FANCD2: variants seen among roughly 807,000 people sequenced by gnomAD.
FANCD2 encodes the protein Fanconi anemia group D2 protein.
FANCD2 carries 131 observed loss-of-function variants against 192.3 expected under a neutral mutation model. That is an observed-to-expected ratio of 0.68 (90% CI 0.59 to 0.79). The LOEUF (loss-of-function observed/expected upper bound fraction) is 0.79, where lower values mean the gene tolerates loss of function less well. Among genes scored for constraint, FANCD2 ranks in the 30% least tolerant of loss-of-function variants. FANCD2 has a pLI of 0.00. For missense variants in FANCD2, 1,508 were observed against 1,701.6 expected, an observed-to-expected ratio of 0.89 and a Z score of 2.00; for synonymous variants, 524 against 612.5, an observed-to-expected ratio of 0.86 and a Z score of 2.13.
chr3:10,058,545 G>A (rs149885493), intron 18 of FANCD2, among the ~76,000 whole-genome samples: 9 of 152,154 alleles, frequency 5.9e-5, no homozygotes, highest in African/African-American at 1.2e-4. Context: ...AGGATTTAAC[G>A]TCATTCTTTT....
chr3:10,031,052 TC>T (rs1169093899), intron 2 of FANCD2, among the ~76,000 whole-genome samples: 1 of 152,208 alleles, frequency 6.6e-6, no homozygotes, highest in Admixed American at 6.5e-5. Flanking sequence ...AATACTGTTC[TC>T]CAAAAGAGAA....
rs550573437 is a variant in FANCD2, at chr3:10,069,667, T to C, written c.2494+2350T>C. On this transcript the variant is annotated intron_variant, in intron 26 of 43. Coordinates refer to ENST00000675286, the MANE Select transcript of FANCD2 (RefSeq NM_001018115.3). The stretch of plus-strand genomic sequence containing the variant: ...TTGGTGGAGACGGGGTTTCGCTGTG[T>C]TGGCCGGGCCGGTCTCCAGCTCCTA... 2.3e-4 allele frequency among the ~76,000 whole-genome samples: 35 copies of C among 152,250 alleles called. 2 individuals carry two copies. In the East Asian group the frequency reaches 6.8e-3, roughly 29 times the overall value.
At chr3:10,095,113 CTT>C in intron 40 of FANCD2, 85 bp from the exon 41 acceptor site, 3 of 1,156,836 alleles carry the variant, frequency 2.6e-6, no homozygotes, top group South Asian at 1.3e-5. Flanking sequence ...AGTTTATCCT[CTT>C]TGGAGCTTTT....
At chr3:10,068,094 T>C (rs1057249739) in intron 26 of FANCD2, among the ~76,000 whole-genome samples, 1 of 152,140 alleles carries the variant, frequency 6.6e-6, no homozygotes. Flanking sequence ...TACCCACTTA[T>C]ATAATACCAC....
At chr3:10,067,040 T>C (rs1256111936) in intron 25 of FANCD2, among the ~76,000 whole-genome samples, 169 bp from the exon 26 acceptor site, 1 of 152,194 alleles carries the variant, frequency 6.6e-6, no homozygotes, top group Non-Finnish European at 1.5e-5. Flanking sequence ...TCCTATATTT[T>C]GGGCCAGAGA....
chr3:10,084,228 G>A (rs891348619), intron 32 of FANCD2, among the ~76,000 whole-genome samples: 20 of 151,246 alleles, frequency 1.3e-4, no homozygotes, highest in African/African-American at 4.1e-4. Context: ...TCCTGACCCC[G>A]TGATCTACCC....
At chr3:10,080,217 ATTC>A (rs1407022818) in intron 30 of FANCD2, among the ~76,000 whole-genome samples, 3 of 151,610 alleles carry the variant, frequency 2.0e-5, no homozygotes, top group African/African-American at 2.4e-5. Context: ...CCAGCAATTC[ATTC>A]TTCTTTGTAT....
intron 32 of FANCD2, among the ~76,000 whole-genome samples, chr3:10,082,953 A>G (rs1267932812): frequency 6.6e-6 from 1 of 152,204 alleles, no homozygotes; most frequent in African/African-American, 2.4e-5. Context: ...GGGGCCTGAC[A>G]TCGTGGCTTA....
chr3:10,086,188 C>T (rs1694189347), intron 33 of FANCD2, among the ~76,000 whole-genome samples: 1 of 152,170 alleles, frequency 6.6e-6, no homozygotes, highest in Non-Finnish European at 1.5e-5. Flanking sequence ...AAACATTGAC[C>T]ATCTGTAATC....
intron 18 of FANCD2, among the ~76,000 whole-genome samples, chr3:10,059,036 C>T (rs1283873822): frequency 6.6e-6 from 1 of 152,048 alleles, no homozygotes; most frequent in Non-Finnish European, 1.5e-5. Context: ...TATTTTGAGA[C>T]AATGTCTGGC....
In FANCD2 at chr3:10,039,339, C is replaced by T. The variant is rs2086806957; in HGVS notation, c.552C>T (p.Asp184=). 2 of 1,613,418 alleles carry T rather than the reference C, an allele frequency of 1.2e-6. No homozygotes were observed. The highest frequency in any genetic ancestry group is 1.3e-5 in the African/African-American group (1 of 74,916). Residue 184 remains aspartate, a synonymous_variant, in exon 8 of 44, where the codon GAC becomes GAT. Coordinates refer to ENST00000675286, the MANE Select transcript of FANCD2 (RefSeq NM_001018115.3). ...RLIVSQLKWL[D]RVVDGKDLTT... ...TTGTCAGTCAACTAAAATGGCTTGA[C>T]AGAGTTGTGGATGGCAAGGTAGGCT...
chr3:10,098,171 C>T (rs980843347), intron 42 of FANCD2, among the ~76,000 whole-genome samples: 4 of 152,112 alleles, frequency 2.6e-5, no homozygotes, highest in African/African-American at 9.7e-5. Flanking sequence ...TTCCTTTCTT[C>T]ACATCAACCT....
At chr3:10,042,057 C>T (rs1469979326) in intron 10 of FANCD2, among the ~76,000 whole-genome samples, 1 of 152,040 alleles carries the variant, frequency 6.6e-6, no homozygotes, top group Non-Finnish European at 1.5e-5. Context: ...GCCACCACTC[C>T]CGGCTAATTT....
intron 18 of FANCD2, among the ~76,000 whole-genome samples, chr3:10,057,419 C>G (rs1402548951): frequency 3.3e-5 from 5 of 150,470 alleles, no homozygotes; most frequent in Admixed American, 6.6e-5. Flanking sequence ...GGCTGGAGTG[C>G]AGTGGCACAA....
intron 43 of FANCD2, chr3:10,099,458 A>C: frequency 3.2e-5 from 15 of 467,788 alleles, no homozygotes; most frequent in South Asian, 7.3e-5. Context: ...CCCTATCTCC[A>C]CAAAAAAAAT....
intron 26 of FANCD2, among the ~76,000 whole-genome samples, chr3:10,069,188 A>T (rs2087801717): frequency 6.6e-6 from 1 of 152,206 alleles, no homozygotes; most frequent in African/African-American, 2.4e-5. Flanking sequence ...TTTCCTCTGC[A>T]TAGCAAAGGA....
rs1037531178 is a variant in FANCD2, at chr3:10,078,634, A to G, written c.2976+437A>G. On this transcript the variant is annotated intron_variant, in intron 30 of 43. Coordinates refer to ENST00000675286, the MANE Select transcript of FANCD2 (RefSeq NM_001018115.3). ...CTCCCAAAGTGCTGGGATTACGGGC[A>G]TGAGCCACCGCGCCCGGCCTCATCT... 4.1e-5 allele frequency among the ~76,000 whole-genome samples: 6 copies of G among 146,362 alleles called. No homozygotes were observed. In the East Asian group the frequency reaches 7.2e-4, roughly 18 times the overall value.
chr3:10,099,654 AG>A (rs1169541548), intron 43 of FANCD2: 1 of 153,534 alleles, frequency 6.5e-6, no homozygotes, highest in African/African-American at 2.4e-5. Flanking sequence ...GCTACTTGGG[AG>A]GCTGAGGCAG....
At chr3:10,088,331 C>T (rs1347270992) in intron 34 of FANCD2, 118 bp from the exon 35 acceptor site, 8 of 770,370 alleles carry the variant, frequency 1.0e-5, no homozygotes, top group East Asian at 5.0e-5. Context: ...AGACCGGGAA[C>T]GTCTTAGTAA....
Sources: gnomAD v4.1 joint callset for allele counts (sites outside exome capture counted in the v4.1 genomes callset) on GRCh38, gnomAD v4.1.1 for gene constraint, MANE v1.5 for transcripts, NCBI Gene and HGNC (gene_info 2026-07-23, HGNC 2026-07-21) for gene names.